Variants in RNF38 observed in about 807,000 individuals in gnomAD.
The protein encoded by RNF38 is ring finger protein 38.
A neutral mutation model predicts 67.2 loss-of-function variants in RNF38; 15 were observed. The observed-to-expected ratio is 0.22, with a 90% CI of 0.15 to 0.34. The LOEUF (loss-of-function observed/expected upper bound fraction) is 0.34. RNF38 is among the 10% of genes least tolerant of loss of function. The probability of loss-of-function intolerance (pLI) is 1.00; values close to 1 mark genes in which losing one functional copy is unlikely to be tolerated. For synonymous variants in RNF38, 220 were observed against 218.8 expected, an observed-to-expected ratio of 1.01 and a Z score of -0.05; for missense variants, 524 against 639.9, an observed-to-expected ratio of 0.82 and a Z score of 1.95.
At chr9:36,442,979 C>T (rs940135806) in intron 1 of RNF38, among the ~76,000 whole-genome samples, 3 of 152,144 alleles carry the variant, frequency 2.0e-5, no homozygotes, top group African/African-American at 7.2e-5. Flanking sequence ...CTCCTCTGGG[C>T]GCAAAGAGAA....
chr9:36,408,087 C>CTAG (rs1405633843), intron 2 of RNF38, among the ~76,000 whole-genome samples: 1 of 152,078 alleles, frequency 6.6e-6, no homozygotes, highest in East Asian at 1.9e-4. Context: ...TATATTGCTA[C>CTAG]ACTGCCTCCT....
chr9:36,456,358 C>CA (rs1353355407), intron 1 of RNF38, among the ~76,000 whole-genome samples: 1 of 152,146 alleles, frequency 6.6e-6, no homozygotes, highest in Non-Finnish European at 1.5e-5. Context: ...TAGCTGGTCT[C>CA]AAACAATTTT....
chr9:36,444,334 G>C (rs1423578300), intron 1 of RNF38, among the ~76,000 whole-genome samples: 1 of 152,152 alleles, frequency 6.6e-6, no homozygotes, highest in Non-Finnish European at 1.5e-5. Context: ...GAGAGCATCA[G>C]GAAGAATAGC....
intron 1 of RNF38, among the ~76,000 whole-genome samples, chr9:36,486,196 C>A (rs1406677080): frequency 6.6e-6 from 1 of 152,152 alleles, no homozygotes; most frequent in African/African-American, 2.4e-5. Flanking sequence ...GCCTGTAACA[C>A]GTTGCTCTCT....
At chr9:36,350,121 A>G (rs1298736469) in intron 9 of RNF38, among the ~76,000 whole-genome samples, 2 of 152,166 alleles carry the variant, frequency 1.3e-5, no homozygotes, top group Non-Finnish European at 2.9e-5. Context: ...TCAGCCTCCC[A>G]ACACCATTTC....
chr9:36,435,020 T>G (rs1839029354), intron 1 of RNF38, among the ~76,000 whole-genome samples: 1 of 152,144 alleles, frequency 6.6e-6, no homozygotes, highest in Non-Finnish European at 1.5e-5. Context: ...CTTTATGTAC[T>G]GATAAAGAAA....
At chr9:36,400,899 T>TCCCCGCCCCGCCGCGCCCCG, upstream of RNF38, 9 of 825,112 alleles carry the variant, frequency 1.1e-5, no homozygotes, top group Non-Finnish European at 1.2e-5. Context: ...GCCACGCCCC[T>TCCCCGCCCCGCCGCGCCCCG]CCCCGCCCCG....
chr9:36,368,620 C>G (rs981609529), intron 4 of RNF38, among the ~76,000 whole-genome samples: 2 of 152,028 alleles, frequency 1.3e-5, no homozygotes, highest in Admixed American at 1.3e-4. Flanking sequence ...GTTACGGCCA[C>G]AAATAAGGTA....
upstream of RNF38, among the ~76,000 whole-genome samples, chr9:36,403,725 T>C (rs564399028): frequency 2.0e-5 from 3 of 152,338 alleles, 1 homozygote; most frequent in African/African-American, 7.2e-5. Flanking sequence ...TGTTCTGCCA[T>C]TCTAATACAT....
Position 36,397,640 on chromosome 9 carries a change from C to G in RNF38, c.12+2457G>C, listed in dbSNP as rs559399110. The stretch of plus-strand genomic sequence containing the variant: ...CCTAAGGCTCCCCTACTTCCTTTCC[C>G]CAGTCCACAATCCCATAAGGTGATG... On this transcript the variant is annotated intron_variant, in intron 1 of 11. Transcript: ENST00000259605. Among the ~76,000 whole-genome samples the G allele has an allele frequency of 3.3e-5, 5 of 152,202 alleles. No homozygotes were observed. In the South Asian group the frequency reaches 1.0e-3, roughly 32 times the overall value.
intron 10 of RNF38, among the ~76,000 whole-genome samples, chr9:36,343,861 T>C (rs1036672514): frequency 7.9e-5 from 12 of 151,754 alleles, no homozygotes; most frequent in African/African-American, 9.7e-5. Flanking sequence ...AGACTGGGGA[T>C]GGGGAGGAGG....
At chr9:36,399,871 G>GTTGC (rs1837863318) in intron 1 of RNF38, among the ~76,000 whole-genome samples, 2 of 152,070 alleles carry the variant, frequency 1.3e-5, no homozygotes, top group South Asian at 4.1e-4. Context: ...AGGCCAAACA[G>GTTGC]AATACAGCAG....
chr9:36,460,775 T>C (rs1359974123), intron 1 of RNF38, among the ~76,000 whole-genome samples: 1 of 150,086 alleles, frequency 6.7e-6, no homozygotes, highest in Non-Finnish European at 1.5e-5. Context: ...TAATCCCAGC[T>C]ACTCAGGAGG....
At chr9:36,351,647 G>GAGGA (rs563527458) in intron 8 of RNF38, among the ~76,000 whole-genome samples, 51 of 152,310 alleles carry the variant, frequency 3.3e-4, no homozygotes, top group Non-Finnish European at 6.8e-4. Context: ...CGGGGAGAGA[G>GAGGA]AGGAAGGAAG....
Position 36,339,797 on chromosome 9 carries a change from T to C in RNF38, c.1503A>G (p.Pro501=), listed in dbSNP as rs892647860. The change falls in exon 12 of 12, where the codon CCA becomes CCG. Residue 501 remains proline (P), a synonymous_variant. Transcript: ENST00000259605. The part of the protein sequence containing the change: ...DKWLKANRTC[P]ICRADASEVH... ...CTTCTGAAGCATCAGCTCGGCAAAT[T>C]GGGCAAGTACGATTTGCCTACAAAA... The C allele has an allele frequency of 8.1e-6, 13 of 1,613,140 alleles. No homozygotes were observed. Among genetic ancestry groups the C allele is most frequent in the Middle Eastern group, 1.6e-4 (1 of 6,082 alleles).
upstream of RNF38, chr9:36,400,325 C>T (rs1042021389): frequency 1.5e-5 from 19 of 1,254,472 alleles, no homozygotes; most frequent in Non-Finnish European, 1.8e-5. Context: ...CATCATTTCA[C>T]CTGCGTCTCG....
intron 11 of RNF38, 121 bp from the exon 12 acceptor site, chr9:36,339,935 A>G (rs910879454): frequency 1.1e-5 from 10 of 926,346 alleles, no homozygotes; most frequent in African/African-American, 1.7e-5. Flanking sequence ...GAAGAGGTAC[A>G]AAGCAATTTT....
intron 1 of RNF38, among the ~76,000 whole-genome samples, chr9:36,393,694 T>G (rs1837311763): frequency 6.6e-6 from 1 of 152,014 alleles, no homozygotes; most frequent in Admixed American, 6.6e-5. Flanking sequence ...TAATGAAGAT[T>G]CCAAGTAAGG....
chr9:36,444,831 C>T (rs1482384480), intron 1 of RNF38, among the ~76,000 whole-genome samples: 1 of 151,828 alleles, frequency 6.6e-6, no homozygotes, highest in Non-Finnish European at 1.5e-5. Context: ...TAAGGGAATA[C>T]CACACCCCTC....
Sources: allele counts gnomAD v4.1 joint callset (sites outside exome capture counted in the v4.1 genomes callset), GRCh38; gene constraint gnomAD v4.1.1; transcripts MANE v1.5; gene names NCBI Gene and HGNC (gene_info 2026-07-23, HGNC 2026-07-21).